Variants in CNTNAP5 observed in about 807,000 individuals in gnomAD.
The protein encoded by CNTNAP5 is contactin associated protein family member 5, also known as contactin-associated protein-like 5.
In CNTNAP5, 72 loss-of-function variants were observed where a neutral mutation model predicts 150.2. That is an observed-to-expected ratio of 0.48 (90% confidence interval 0.40 to 0.58). The LOEUF (loss-of-function observed/expected upper bound fraction) is 0.58, where lower values mean the gene tolerates loss of function less well. Among genes scored for constraint, CNTNAP5 ranks in the 20% least tolerant of loss-of-function variants. The pLI, the probability that CNTNAP5 is intolerant of heterozygous loss-of-function variation, is 0.00. For synonymous variants in CNTNAP5, 672 were observed against 619.8 expected, an observed-to-expected ratio of 1.08 and a Z score of -1.25; for missense variants, 1,636 against 1,626.2, an observed-to-expected ratio of 1.01 and a Z score of -0.10.
At chr2:124,300,329 T>C (rs962568206) in intron 3 of CNTNAP5, among the ~76,000 whole-genome samples, 5 of 152,252 alleles carry the variant, frequency 3.3e-5, no homozygotes, top group African/African-American at 1.2e-4. Context: ...AGACACATAA[T>C]CACAAGGAAG....
chr2:124,840,920 A>T (rs950139460), intron 19 of CNTNAP5, among the ~76,000 whole-genome samples: 1 of 152,110 alleles, frequency 6.6e-6, no homozygotes, highest in African/African-American at 2.4e-5. Context: ...GACCATTCTG[A>T]CCAAGTTACA....
intron 3 of CNTNAP5, among the ~76,000 whole-genome samples, chr2:124,321,175 C>T (rs539621701): frequency 7.2e-5 from 11 of 152,270 alleles, no homozygotes; most frequent in Admixed American, 5.9e-4. Context: ...TGGCTGGGCG[C>T]GGTGGCCTGT....
chr2:124,744,300 C>T (rs1680561598), intron 13 of CNTNAP5, among the ~76,000 whole-genome samples: 1 of 152,142 alleles, frequency 6.6e-6, no homozygotes, highest in Non-Finnish European at 1.5e-5. Flanking sequence ...CCATGTAAGA[C>T]ATGTCTTTTG....
At chr2:124,310,580 C>T (rs1447998035) in intron 3 of CNTNAP5, among the ~76,000 whole-genome samples, 1 of 151,868 alleles carries the variant, frequency 6.6e-6, no homozygotes, top group African/African-American at 2.4e-5. Flanking sequence ...AAACAGGCCT[C>T]CTCAATTTCC....
intron 12 of CNTNAP5, 138 bp from the exon 13 acceptor site, chr2:124,647,620 A>G (rs781221768): frequency 4.5e-4 from 311 of 696,066 alleles, no homozygotes; most frequent in Non-Finnish European, 6.3e-4. Flanking sequence ...GGGAAACACA[A>G]TTTCTCTGTC....
chr2:124,784,964 G>C (rs182720476), intron 17 of CNTNAP5, among the ~76,000 whole-genome samples: 26 of 144,812 alleles, frequency 1.8e-4, no homozygotes, highest in African/African-American at 6.0e-4. Context: ...CAACTAGTAT[G>C]ACTAGTATCT....
intron 1 of CNTNAP5, among the ~76,000 whole-genome samples, chr2:124,097,897 G>A (rs1222637594): frequency 2.0e-5 from 3 of 152,244 alleles, no homozygotes; most frequent in South Asian, 2.1e-4. Context: ...GCATGGTGAC[G>A]TGCACCTGTA....
chr2:124,317,855 CATTAT>C (rs1689006723), intron 3 of CNTNAP5, among the ~76,000 whole-genome samples: 1 of 152,140 alleles, frequency 6.6e-6, no homozygotes, highest in South Asian at 2.1e-4. Flanking sequence ...GTGTGATACA[CATTAT>C]TATATTCCAG....
rs1692452232 is a variant in CNTNAP5, at chr2:124,433,750, T to C, written c.530-734T>C. ...CTAGAACAACACATTCCAAATAGAA[T>C]CTCTATTAGATTTTTGGCATAATTT... On this transcript the variant is annotated intron_variant, in intron 4 of 23. Coordinates refer to ENST00000682447, the MANE Select transcript of CNTNAP5 (RefSeq NM_001367498.1). 2.6e-5 allele frequency among the ~76,000 whole-genome samples: 4 copies of C among 152,228 alleles called. No individual in the cohort carries two copies. In the South Asian group the frequency reaches 8.3e-4, roughly 32 times the overall value.
intron 3 of CNTNAP5, among the ~76,000 whole-genome samples, chr2:124,288,384 A>G (rs1688206673): frequency 6.6e-6 from 1 of 152,208 alleles, no homozygotes; most frequent in South Asian, 2.1e-4. Context: ...ACAGATTTTT[A>G]TTGAAAACTC....
intron 11 of CNTNAP5, among the ~76,000 whole-genome samples, chr2:124,579,816 C>G (rs184347990): frequency 6.6e-6 from 1 of 152,318 alleles, no homozygotes; most frequent in Non-Finnish European, 1.5e-5. Context: ...GTTTTGGTCA[C>G]ACTCTCACCT....
chr2:124,583,430 C>T (rs920273553), intron 11 of CNTNAP5, among the ~76,000 whole-genome samples: 1 of 152,184 alleles, frequency 6.6e-6, no homozygotes, highest in African/African-American at 2.4e-5. Context: ...GTGGCCTCTC[C>T]AATGCCACCT....
chr2:124,052,075 C>T (rs1325231678), intron 1 of CNTNAP5, among the ~76,000 whole-genome samples: 1 of 152,134 alleles, frequency 6.6e-6, no homozygotes, highest in East Asian at 1.9e-4. Context: ...AATGATGCAT[C>T]TGGATTGTGA....
intron 1 of CNTNAP5, among the ~76,000 whole-genome samples, chr2:124,179,666 A>G (rs115228704): frequency 0.037 from 5,587 of 152,306 alleles, 177 homozygotes; most frequent in Non-Finnish European, 0.061. Flanking sequence ...TCCTTTAATT[A>G]TATGAAATGT....
chr2:124,802,585 G>A (rs531328369), intron 19 of CNTNAP5, among the ~76,000 whole-genome samples: 1 of 152,284 alleles, frequency 6.6e-6, no homozygotes, highest in South Asian at 2.1e-4. Context: ...GAGTCTGGAC[G>A]GTTGGAGGAG....
intron 3 of CNTNAP5, among the ~76,000 whole-genome samples, chr2:124,405,073 TCAAA>T: frequency 6.6e-6 from 1 of 152,148 alleles, no homozygotes. Flanking sequence ...AAGAGAAAAA[TCAAA>T]TTTCTGAGAA....
intron 17 of CNTNAP5, among the ~76,000 whole-genome samples, chr2:124,780,174 A>T (rs944651113): frequency 6.6e-6 from 1 of 152,104 alleles, no homozygotes; most frequent in Non-Finnish European, 1.5e-5. Context: ...TCAGTTTCAA[A>T]CATTGAATGC....
At chr2:124,515,539 AATCATTC>A (rs5834072) in intron 8 of CNTNAP5, among the ~76,000 whole-genome samples, 71,525 of 151,416 alleles carry the variant, frequency 0.47, 16,912 homozygotes, top group Middle Eastern at 0.58. Flanking sequence ...TCAATCAATC[AATCATTC>A]ATCACGTTTT....
intron 13 of CNTNAP5, among the ~76,000 whole-genome samples, chr2:124,699,849 T>C (rs1054996091): frequency 6.6e-6 from 1 of 152,086 alleles, no homozygotes; most frequent in African/African-American, 2.4e-5. Context: ...TCTTCTCTTC[T>C]TAGATATAAT....
Sources: gnomAD v4.1 joint callset for allele counts (sites outside exome capture counted in the v4.1 genomes callset) on GRCh38, gnomAD v4.1.1 for gene constraint, MANE v1.5 for transcripts, NCBI Gene and HGNC (gene_info 2026-07-23, HGNC 2026-07-21) for gene names.